The following MICALL2 variants were observed in gnomAD, a reference collection of about 807,000 sequenced individuals.
MICALL2 encodes the protein MICAL like 2, also known as MICAL-like protein 2.
In MICALL2, 111 loss-of-function variants were observed where a neutral mutation model predicts 91.1. The ratio of observed to expected loss-of-function variants is 1.22; its 90% CI spans 1.04 to 1.43. The LOEUF is 1.43. MICALL2 is among the 40% of genes most tolerant of loss of function. The pLI is 0.00. For synonymous variants in MICALL2, 694 were observed against 525.3 expected (o/e 1.32, Z -4.39); for missense variants, 1,556 against 1,236.0 (o/e 1.26, Z -3.88).
At chr7:1,458,583 G>A (rs1241044274) in intron 1 of MICALL2, among the ~76,000 whole-genome samples, 3 of 152,244 alleles carry the variant, frequency 2.0e-5, no homozygotes, top group African/African-American at 7.2e-5. Flanking sequence ...GACCCTCCTG[G>A]GGAGAGACAG....
rs200430226 is a variant in MICALL2, at chr7:1,437,934, G to A, written c.2358C>T (p.His786=). ...SLMVDWFWLI[H]EKQLLLRQES... is the part of the protein sequence containing the mutation. The stretch of plus-strand genomic sequence containing the variant: ...CCTGTCTCAGCAGAAGCTGCTTCTC[G>A]TGAATGAGCCAGAACCAGTCCACCA... Residue 786 remains histidine (H), a synonymous_variant, in exon 13 of 17, where the codon CAC becomes CAT. Transcript: ENST00000297508. 278 of 1,549,768 alleles carry A rather than the reference G, an allele frequency of 1.8e-4. 2 individuals carry two copies. The East Asian group carries it at 3.5e-3, about 19-fold the overall frequency.
chr7:1,436,816 C>T lies in MICALL2; in HGVS notation c.2517G>A (p.Glu839=). ...CGGTGCTCACGTACTGCTCCAGCAG[C>T]TCCTGCTCCCGCCGCCGCTCCTGCA... ...KSLQERRREQ[E]LLEQYVSTVN... Residue 839 remains glutamate (E), a synonymous_variant, in exon 15 of 17, where the codon GAG becomes GAA. Transcript: ENST00000297508. 1 of 1,606,102 alleles carries T rather than the reference C, an allele frequency of 6.2e-7. No homozygotes were observed.
intron 6 of MICALL2, among the ~76,000 whole-genome samples, 195 bp from the exon 7 acceptor site, chr7:1,442,679 C>T (rs1207668034): frequency 7.1e-6 from 1 of 139,912 alleles, no homozygotes; most frequent in Non-Finnish European, 1.7e-5. Context: ...CCCACCATTG[C>T]ACCAGGCTGC....
At chr7:1,440,252 C>G (rs1039877040) in intron 8 of MICALL2, 167 bp from the exon 9 acceptor site, 2 of 801,364 alleles carry the variant, frequency 2.5e-6, no homozygotes, top group Admixed American at 5.9e-5. Flanking sequence ...CTCCTGCAAA[C>G]ACACGTGTCC....
intron 7 of MICALL2, 33 bp downstream of exon 7, chr7:1,442,159 C>G: frequency 6.2e-7 from 1 of 1,607,508 alleles, no homozygotes; most frequent in Non-Finnish European, 8.5e-7. Flanking sequence ...CTGCGGGCCC[C>G]CGGGGCCTCC....
rs1271169416 is a variant in MICALL2 at position 1,445,389 on chromosome 7, G to A, written c.681C>T (p.Tyr227=). Residue 227 remains tyrosine, a synonymous_variant, in exon 6 of 17, where the codon TAC becomes TAT. Coordinates refer to ENST00000297508, the MANE Select transcript of MICALL2 (RefSeq NM_182924.4). ...AGGTGCCCGGCTCTCCTGTGGCCTT[G>A]TAGGCCCCCGAGTGCAGCGTGCAGG... ...QCSCTLHSGA[Y]KATGEPGTFV... 7.0e-6 allele frequency: 11 copies of A among 1,573,908 alleles called. No homozygotes were observed. Among genetic ancestry groups the A allele is most frequent in the Non-Finnish European group, 8.6e-6 (10 of 1,166,664 alleles).
Position 1,459,301 on chromosome 7 carries a change from T to A in MICALL2, c.26A>T (p.Gln9Leu), listed in dbSNP as rs573399928. The change falls in exon 1 of 17, where the codon CAG (glutamine) becomes CTG (leucine). Residue 9 changes from glutamine (Q) to leucine (L), a missense_variant. Coordinates refer to ENST00000297508, the MANE Select transcript of MICALL2 (RefSeq NM_182924.4). MAAIRALQ[Q>L]WCRQQCEGYR... ...GCCCTCGCACTGCTGCCGGCACCAC[T>A]GTTGCAGCGCCCTGATGGCCGCCAT... The A allele has an allele frequency of 1.3e-6, 2 of 1,584,508 alleles. No individual in the cohort carries two copies. The highest frequency in any genetic ancestry group is 2.3e-5 in the South Asian group (2 of 87,192).
At position 1,436,813 on chromosome 7, in the gene MICALL2, C is replaced by A; in HGVS notation, c.2520G>T (p.Leu840=). 1 of 1,606,810 alleles carries A rather than the reference C, an allele frequency of 6.2e-7. No individual in the cohort carries two copies. The highest frequency in any genetic ancestry group is 8.5e-7 in the Non-Finnish European group (1 of 1,177,828). The change falls in exon 15 of 17, where the codon CTG becomes CTT. Residue 840 remains leucine, a synonymous_variant. Coordinates refer to ENST00000297508, the MANE Select transcript of MICALL2 (RefSeq NM_182924.4). The stretch of plus-strand genomic sequence containing the variant: ...TCACGGTGCTCACGTACTGCTCCAG[C>A]AGCTCCTGCTCCCGCCGCCGCTCCT... ...SLQERRREQE[L]LEQYVSTVND...
chr7:1,439,873 G>T, intron 9 of MICALL2, 52 bp downstream of exon 9: 4 of 1,377,792 alleles, frequency 2.9e-6, no homozygotes, highest in South Asian at 1.8e-5. Flanking sequence ...CCCACCCAAG[G>T]GGGAGGGCCA....
rs1156669647 is a variant in MICALL2, at chr7:1,438,960, C to A, written c.2002G>T (p.Ala668Ser). ...SPSPPRRRRL[A>S]VPASLDVCDN... ...CAAACGTCGAGGCTGGCAGGGACGG[C>A]CAGTCTCCTGCGGCGGGGTGGGGAG... Residue 668 changes from alanine (A) to serine (S), a missense_variant, in exon 10 of 17, where the codon GCC becomes TCC. Coordinates refer to ENST00000297508, the MANE Select transcript of MICALL2 (RefSeq NM_182924.4). The A allele has an allele frequency of 3.1e-6, 5 of 1,601,568 alleles. No homozygotes were observed. In the East Asian group the frequency reaches 1.1e-4, roughly 36 times the overall value.
Position 1,442,296 on chromosome 7 carries a change from C to T in MICALL2, c.1607G>A (p.Arg536Lys), listed in dbSNP as rs757351515. 3.1e-6 allele frequency: 5 copies of T among 1,613,072 alleles called. No individual in the cohort carries two copies. ...CCCTGAGGATTCCGCCAAGTTCCTCCTGCCTGCCGGGGGCAACGCGGATGC... is the reference window on the plus strand; with the variant it reads ...CCCTGAGGATTCCGCCAAGTTCCTCTTGCCTGCCGGGGGCAACGCGGATGC... ...SQASALPPAG[R>K]RNLAESSGVG... The change falls in exon 7 of 17, where the codon AGG (arginine) becomes AAG (lysine). Residue 536 changes from arginine to lysine, a missense_variant. Arg to Lys is a conservative substitution (Grantham distance 26). Transcript: ENST00000297508.
intron 2 of MICALL2, among the ~76,000 whole-genome samples, chr7:1,449,098 G>A (rs1462140848): frequency 1.3e-5 from 2 of 152,360 alleles, no homozygotes; most frequent in Non-Finnish European, 2.9e-5. Context: ...CCCTCCAGAG[G>A]CAGGGCTGAC....
intron 1 of MICALL2, among the ~76,000 whole-genome samples, chr7:1,456,585 C>CAAATAAATAAATAAATAAAT (rs370994107): frequency 6.6e-6 from 1 of 151,126 alleles, no homozygotes; most frequent in African/African-American, 2.4e-5. Context: ...GACTCTGTCT[C>CAAATAAATAAATAAATAAAT]AAATAAATAA....
In MICALL2 at chr7:1,451,158, A is replaced by G. The variant is rs1451611780; in HGVS notation, c.144-870T>C. Among the ~76,000 whole-genome samples, 3 of 152,208 alleles carry G rather than the reference A, an allele frequency of 2.0e-5. No homozygotes were observed. Among genetic ancestry groups the G allele is most frequent in the African/African-American group, 7.2e-5 (3 of 41,456 alleles). On this transcript the variant is annotated intron_variant, in intron 1 of 16. Coordinates refer to ENST00000297508, the MANE Select transcript of MICALL2 (RefSeq NM_182924.4). The surrounding 1 kb of genome is among the most constrained non-coding windows in gnomAD (Gnocchi z 4.5). ...AGTTCCCGAGGTGAGGTCCCCGGCC[A>G]GCCTGGACAGCAGGGCCCTTCTGGG...
chr7:1,440,975 C>T (rs377591168), intron 7 of MICALL2: 2 of 434,990 alleles, frequency 4.6e-6, no homozygotes, highest in African/African-American at 4.0e-5. Flanking sequence ...CCCGTGGACC[C>T]TGATCCTCTG....
intron 1 of MICALL2, among the ~76,000 whole-genome samples, chr7:1,454,900 A>G (rs1160112543): frequency 1.3e-5 from 2 of 151,680 alleles, no homozygotes; most frequent in African/African-American, 4.9e-5. Context: ...AGCCACCCCC[A>G]CTTCCTGGCC....
intron 15 of MICALL2, among the ~76,000 whole-genome samples, chr7:1,436,446 G>A (rs544991826): frequency 8.0e-5 from 12 of 150,060 alleles, no homozygotes; most frequent in East Asian, 5.9e-4. Context: ...CCAGCTACTC[G>A]AGAAGCTGAG....
In MICALL2 at chr7:1,451,357, G is replaced by C. The variant is rs1370384821; in HGVS notation, c.144-1069C>G. On this transcript the variant is annotated intron_variant, in intron 1 of 16. Transcript: ENST00000297508. This position sits in a 1 kb window ranked among gnomAD's most constrained non-coding sequence, Gnocchi z 4.5. ...CCAGCACGGGCTGCGGCTTCTGGGA[G>C]GGAGGGTTGGTTAAATCATGATCTG... is the stretch of plus-strand genomic sequence containing the variant. 1.3e-5 allele frequency among the ~76,000 whole-genome samples: 2 copies of C among 152,160 alleles called. No individual in the cohort carries two copies. Among genetic ancestry groups the C allele is most frequent in the Non-Finnish European group, 2.9e-5 (2 of 68,022 alleles).
In MICALL2 at chr7:1,434,434, G is replaced by A. The variant is rs1779855149; in HGVS notation, c.*162C>T. ...GGTCCCTGCTGTCCACATGCCCCTT[G>A]TAGGGACAGGAGGCCCTTCCCGAGT... On this transcript the variant is annotated 3_prime_UTR_variant, in exon 17 of 17. Transcript: ENST00000297508. 1 of 711,358 alleles carries A rather than the reference G, an allele frequency of 1.4e-6. No individual in the cohort carries two copies. Among genetic ancestry groups the A allele is most frequent in the African/African-American group, 1.7e-5 (1 of 57,448 alleles). 44.1% of individuals were successfully genotyped at this position (711,358 alleles called of 1,614,324 possible).
Sources: gnomAD v4.1 joint callset for allele counts (sites outside exome capture counted in the v4.1 genomes callset) on GRCh38, gnomAD v4.1.1 for gene constraint, Gnocchi (gnomAD v3.1) non-coding constraint, MANE v1.5 for transcripts, NCBI Gene and HGNC (gene_info 2026-07-23, HGNC 2026-07-21) for gene names.